Variants in NFE2L3 observed in about 807,000 individuals in gnomAD.
NFE2L3 encodes the protein NFE2 like bZIP transcription factor 3, also known as nuclear factor erythroid 2-related factor 3.
Under a neutral mutation model 23.5 loss-of-function variants are expected in NFE2L3, and 18 were observed. That is an observed-to-expected ratio of 0.77 (90% confidence interval 0.53 to 1.13). The LOEUF (loss-of-function observed/expected upper bound fraction) is 1.13. Among genes scored for constraint, NFE2L3 ranks in the 50% most tolerant of loss-of-function variants. The pLI is 0.00. For missense variants in NFE2L3, 1,152 were observed against 877.2 expected (o/e 1.31, Z -3.96); for synonymous variants, 424 against 354.5 (o/e 1.20, Z -2.20).
chr7:26,157,701 C>T (rs1214500145), intron 1 of NFE2L3, among the ~76,000 whole-genome samples: 2 of 152,120 alleles, frequency 1.3e-5, no homozygotes, highest in East Asian at 3.8e-4. Context: ...TAAAGGTGCA[C>T]TATTGTCTTT....
At chr7:26,158,665 A>G (rs1467476111) in intron 1 of NFE2L3, among the ~76,000 whole-genome samples, 1 of 152,162 alleles carries the variant, frequency 6.6e-6, no homozygotes, top group Non-Finnish European at 1.5e-5. Flanking sequence ...CATCTTTGCC[A>G]AGTCTCTTGT....
rs2128100656 is a variant in NFE2L3 at position 26,184,698 on chromosome 7, A to G, written c.1000A>G (p.Arg334Gly). The G allele has an allele frequency of 6.2e-7, 1 of 1,613,954 alleles. No individual in the cohort carries two copies. Among genetic ancestry groups the G allele is most frequent in the East Asian group, 2.2e-5 (1 of 44,874 alleles). The change falls in exon 4 of 4, where the codon AGG (arginine) becomes GGG (glycine). Residue 334 changes from arginine to glycine, a missense_variant. Transcript: ENST00000056233. ...TACATTTAGAAGAGATCCAACAGCA[A>G]GGACTTCACAGTCACAAGAACCATT... is the stretch of plus-strand genomic sequence containing the variant. ...NNTFRRDPTA[R>G]TSQSQEPFLQ...
chr7:26,152,680 C>T lies in NFE2L3; in HGVS notation c.182C>T (p.Pro61Leu), dbSNP rs903482589. The T allele has an allele frequency of 3.3e-5, 49 of 1,485,210 alleles. No individual in the cohort carries two copies. The highest frequency in any genetic ancestry group is 4.5e-5 in the Admixed American group (2 of 44,910). 92.0% of individuals were successfully genotyped at this position (1,485,210 alleles called of 1,614,324 possible). A position where few individuals can be genotyped will look rare whatever the true frequency, so the allele number is the denominator to read the frequency against. Residue 61 changes from proline (P) to leucine (L), a missense_variant, in exon 1 of 4, where the codon CCC (proline) becomes CTC (leucine). Pro to Leu is a moderately conservative substitution (Grantham distance 98). Transcript: ENST00000056233. The surrounding 1 kb of genome is among the most constrained non-coding windows in gnomAD (Gnocchi z 4.4). Reference sequence around the variant, plus strand: ...GCCAGCTCCGCCTACGCGCTCAGCCCCTTCTCGGCCTCGGGAGGGTGGGGG... The same window carrying T: ...GCCAGCTCCGCCTACGCGCTCAGCCTCTTCTCGGCCTCGGGAGGGTGGGGG... Reference protein sequence around the residue: ...GPASSAYALSPFSASGGWGRA... With the variant: ...GPASSAYALSLFSASGGWGRA...
In NFE2L3 at chr7:26,186,362, C is replaced by A. The variant is rs1782487575; in HGVS notation, c.*579C>A. On this transcript the variant is annotated 3_prime_UTR_variant, in exon 4 of 4. Transcript: ENST00000056233. ...ACTTTCCTTCCAAAATATCCACATT[C>A]AGGAATATAGGTGAATAACAAATAA... The A allele has an allele frequency of 6.6e-6, 1 of 152,198 alleles. No individual in the cohort carries two copies. The highest frequency in any genetic ancestry group is 1.5e-5 in the Non-Finnish European group (1 of 68,084). 9.4% of individuals were successfully genotyped at this position (152,198 alleles called of 1,614,324 possible). A position where few individuals can be genotyped will look rare whatever the true frequency, so the allele number is the denominator to read the frequency against.
At position 26,184,814 on chromosome 7, in the gene NFE2L3, GAGGAATCTA is replaced by G; in HGVS notation, c.1118_1126del (p.Arg373_Leu375del). 9.3e-6 allele frequency: 15 copies of G among 1,613,954 alleles called. No homozygotes were observed. The highest frequency in any genetic ancestry group is 1.3e-5 in the Non-Finnish European group (15 of 1,179,852). ...TTCTTTCACCGGTTGACAATCATAT[GAGGAATCTA>G]ACAAGCCAAGACCTACTGTATGACC... On this transcript the variant is annotated inframe_deletion, in exon 4 of 4. Transcript: ENST00000056233.
intron 2 of NFE2L3, among the ~76,000 whole-genome samples, chr7:26,178,640 C>G (rs1784456384): frequency 6.6e-6 from 1 of 152,186 alleles, no homozygotes; most frequent in African/African-American, 2.4e-5. Flanking sequence ...ATTGCCTAAC[C>G]TTACTCTTTG....
rs533135229 is a variant in NFE2L3 at position 26,180,990 on chromosome 7, C to CG, written c.751-2706dup. ...CTTTTTTTTTTTTTGAGGAAGGCGG[C>CG]GGGGGAGACAGGATCTCACTCTGTC... is the stretch of plus-strand genomic sequence containing the variant. On this transcript the variant is annotated intron_variant, in intron 2 of 3. Coordinates refer to ENST00000056233, the MANE Select transcript of NFE2L3 (RefSeq NM_004289.7). Among the ~76,000 whole-genome samples the CG allele has an allele frequency of 2.6e-4, 40 of 151,066 alleles. 2 individuals carry two copies. In the South Asian group the frequency reaches 8.4e-3, roughly 32 times the overall value.
chr7:26,181,667 A>ATGAG (rs1784512782), intron 2 of NFE2L3, among the ~76,000 whole-genome samples: 1 of 152,184 alleles, frequency 6.6e-6, no homozygotes. Flanking sequence ...ATAAATAGCC[A>ATGAG]TGAGTCAGCA....
intron 1 of NFE2L3, among the ~76,000 whole-genome samples, chr7:26,163,969 C>T (rs1334906021): frequency 3.3e-5 from 5 of 152,202 alleles, no homozygotes; most frequent in African/African-American, 1.2e-4. Flanking sequence ...ATCCATGTCC[C>T]TGCAAAGGAC....
intron 1 of NFE2L3, among the ~76,000 whole-genome samples, chr7:26,164,850 G>T (rs1303755488): frequency 6.6e-6 from 1 of 152,202 alleles, no homozygotes; most frequent in Non-Finnish European, 1.5e-5. Flanking sequence ...TGTAAGGAAA[G>T]GATACAATTT....
intron 1 of NFE2L3, among the ~76,000 whole-genome samples, chr7:26,167,938 T>G (rs543075376): frequency 2.0e-5 from 3 of 152,318 alleles, no homozygotes; most frequent in African/African-American, 4.8e-5. Context: ...ATTTTTTAAT[T>G]ATTTTTAATT....
rs1400113781 is a variant in NFE2L3, at chr7:26,185,779, A to AGTGAG, written c.2082_*1dup. 1 of 1,577,618 alleles carries AGTGAG rather than the reference A, an allele frequency of 6.3e-7. No homozygotes were observed. Among genetic ancestry groups the AGTGAG allele is most frequent in the African/African-American group, 1.4e-5 (1 of 72,342 alleles). ...AAGGAAACCCAAAAGGGAAAGAGAAAGTGAGAAGAAACTGAAGATGGACTC... is the reference window on the plus strand; with the variant it reads ...AAGGAAACCCAAAAGGGAAAGAGAAAGTGAGGTGAGAAGAAACTGAAGATGGACTC... On this transcript the variant is annotated stop_gained and frameshift_variant, in exon 4 of 4. Coordinates refer to ENST00000056233, the MANE Select transcript of NFE2L3 (RefSeq NM_004289.7). LOFTEE classifies it high-confidence loss of function.
intron 1 of NFE2L3, among the ~76,000 whole-genome samples, chr7:26,168,362 C>T (rs1458315982): frequency 1.6e-5 from 2 of 123,778 alleles, no homozygotes; most frequent in Non-Finnish European, 3.4e-5. Flanking sequence ...GTCTCAAACT[C>T]CTGACCTCAG....
intron 3 of NFE2L3, 21 bp from the exon 4 acceptor site, chr7:26,184,510 AGT>A: frequency 6.3e-7 from 1 of 1,584,630 alleles, no homozygotes. Flanking sequence ...TCATGTTTGA[AGT>A]GTTTCTCCTT....
Position 26,184,716 on chromosome 7 carries a change from G to T in NFE2L3, c.1018G>T (p.Glu340Ter). The T allele has an allele frequency of 6.2e-7, 1 of 1,613,754 alleles. No homozygotes were observed. Among genetic ancestry groups the T allele is most frequent in the Non-Finnish European group, 8.5e-7 (1 of 1,179,734 alleles). ...DPTARTSQSQEPFLQLNSHTT... is the reference protein window; with the variant it reads ...DPTARTSQSQ ...AACAGCAAGGACTTCACAGTCACAA[G>T]AACCATTTCTGCAGTTAAATTCTCA... Residue 340 changes from glutamate to a stop codon, truncating the protein, a stop_gained, in exon 4 of 4, where the codon GAA becomes TAA. Coordinates refer to ENST00000056233, the MANE Select transcript of NFE2L3 (RefSeq NM_004289.7). LOFTEE classifies it low-confidence loss of function (END_TRUNC).
chr7:26,177,125 G>A (rs1389800409), intron 1 of NFE2L3, among the ~76,000 whole-genome samples: 29 of 126,098 alleles, frequency 2.3e-4, no homozygotes, highest in South Asian at 6.2e-4. Context: ...CGGGGTGGCC[G>A]GGCAGAGGCG....
rs149098227 is a variant in NFE2L3, at chr7:26,184,027, G to T, written c.834+243G>T. On this transcript the variant is annotated intron_variant, in intron 3 of 3. Transcript: ENST00000056233. ...GTGGAGATTTCTCAAAAAACTAAAAGAATTATCAGGTATTTATCCAAAGGA... is the reference window on the plus strand; with the variant it reads ...GTGGAGATTTCTCAAAAAACTAAAATAATTATCAGGTATTTATCCAAAGGA... 3.3e-3 allele frequency: 1,639 copies of T among 500,928 alleles called. 3 individuals carry two copies. The highest frequency in any genetic ancestry group is 4.3e-3 in the Non-Finnish European group (1,229 of 282,964). The allele number at this position is 500,928 out of a possible 1,614,324, so 31.0% of individuals were successfully genotyped here. A position where few individuals can be genotyped will look rare whatever the true frequency, so the allele number is the denominator to read the frequency against.
At chr7:26,155,059 T>C (rs1784060986) in intron 1 of NFE2L3, among the ~76,000 whole-genome samples, 2 of 152,232 alleles carry the variant, frequency 1.3e-5, no homozygotes, top group African/African-American at 2.4e-5. Flanking sequence ...TCCAGCTCCT[T>C]ACAGTTGTCA....
rs1782386853 is a variant in NFE2L3, at chr7:26,183,554, TA to T, written c.751-142del. ...GAGTGAGATCCGTCTCAAAATATAA[TA>T]AAAAGTAGAACTTCCAACCAAGGAA... On this transcript the variant is annotated intron_variant, in intron 2 of 3. Coordinates refer to ENST00000056233, the MANE Select transcript of NFE2L3 (RefSeq NM_004289.7). The T allele has an allele frequency of 7.0e-6, 4 of 573,634 alleles. No individual in the cohort carries two copies. In the South Asian group the frequency reaches 8.4e-5, roughly 12 times the overall value. 35.5% of individuals were successfully genotyped at this position (573,634 alleles called of 1,614,324 possible).
Sources: allele counts gnomAD v4.1 joint callset (sites outside exome capture counted in the v4.1 genomes callset), GRCh38; gene constraint gnomAD v4.1.1; non-coding constraint Gnocchi (gnomAD v3.1); transcripts MANE v1.5; gene names NCBI Gene and HGNC (gene_info 2026-07-23, HGNC 2026-07-21).